The following PCDHA6 variants were observed in gnomAD, a reference collection of about 807,000 sequenced individuals.
PCDHA6 encodes the protein protocadherin alpha 6.
In PCDHA6, 55 loss-of-function variants were observed where a neutral mutation model predicts 60.3. The ratio of observed to expected loss-of-function variants is 0.91; its 90% confidence interval spans 0.73 to 1.14. The LOEUF is 1.14. Among genes scored for constraint, PCDHA6 ranks in the 50% most tolerant of loss-of-function variants. The pLI is 0.00. For synonymous variants in PCDHA6, 652 were observed against 557.9 expected (o/e 1.17, Z -2.38); for missense variants, 1,327 against 1,256.5 (o/e 1.06, Z -0.85).
intron 1 of PCDHA6, among the ~76,000 whole-genome samples, chr5:140,946,597 T>A (rs952488909): frequency 1.5e-5 from 2 of 137,412 alleles, no homozygotes; most frequent in Admixed American, 7.5e-5. Context: ...GATGAATAGA[T>A]AAAGAAAATG....
chr5:140,990,814 T>A (rs1184527701), intron 3 of PCDHA6, among the ~76,000 whole-genome samples: 1 of 152,184 alleles, frequency 6.6e-6, no homozygotes, highest in Non-Finnish European at 1.5e-5. Context: ...GAAGCTCCCT[T>A]CTCTCAGCTA....
At chr5:140,836,646 C>A (rs1554136175) in intron 1 of PCDHA6, 7 of 1,613,258 alleles carry the variant, frequency 4.3e-6, no homozygotes, top group Admixed American at 3.3e-5. Flanking sequence ...CCAGCAGAGG[C>A]GGCAGAGGGT....
chr5:140,945,321 A>G (rs558331825), intron 1 of PCDHA6, among the ~76,000 whole-genome samples: 1 of 152,258 alleles, frequency 6.6e-6, no homozygotes, highest in Non-Finnish European at 1.5e-5. Flanking sequence ...AAATGGAAAT[A>G]TATTTTATGT....
At chr5:140,965,893 C>G (rs1173111476) in intron 1 of PCDHA6, among the ~76,000 whole-genome samples, 1 of 152,226 alleles carries the variant, frequency 6.6e-6, no homozygotes, top group Non-Finnish European at 1.5e-5. Context: ...AGAATTGAGT[C>G]TTGGATCCCA....
At chr5:140,941,214 C>CCTTCCTTTCTTTCTTTCTTT (rs1554214040) in intron 1 of PCDHA6, among the ~76,000 whole-genome samples, 29 of 122,492 alleles carry the variant, frequency 2.4e-4, no homozygotes, top group South Asian at 5.9e-4. Flanking sequence ...TTTCTTTCTT[C>CCTTCCTTTCTTTCTTTCTTT]CTTTCTTTCT....
In PCDHA6 at chr5:140,883,888, T is replaced by G. The variant is rs781919107; in HGVS notation, c.2394+53403T>G. ...AGTTCCAGGTGAGCGCGCGCGACTC[T>G]GGCGTGCCGCCTCTGGGCAGCAACG... On this transcript the variant is annotated intron_variant, in intron 1 of 3. Transcript: ENST00000529310. 33 of 1,612,942 alleles carry G rather than the reference T, an allele frequency of 2.0e-5. No individual in the cohort carries two copies. In the African/African-American group the frequency reaches 2.1e-4, roughly 10 times the overall value.
At chr5:140,979,051 G>T (rs1554240209) in intron 2 of PCDHA6, 44 bp downstream of exon 2, 1 of 1,609,534 alleles carries the variant, frequency 6.2e-7, no homozygotes, top group South Asian at 1.1e-5. Flanking sequence ...ACCTTAACTT[G>T]GTATGGCTCA....
chr5:140,856,176 T>C lies in PCDHA6; in HGVS notation c.2394+25691T>C, dbSNP rs782159422. ...TACGAGGAGGCCAGACACGGCACCT[T>C]CGTGGGCCGCATCGCGCAGGACCTG... On this transcript the variant is annotated intron_variant, in intron 1 of 3. Coordinates refer to ENST00000529310, the MANE Select transcript of PCDHA6 (RefSeq NM_018909.4). 5 of 1,598,130 alleles carry C rather than the reference T, an allele frequency of 3.1e-6. No homozygotes were observed. In the South Asian group the frequency reaches 5.5e-5, roughly 18 times the overall value.
intron 1 of PCDHA6, among the ~76,000 whole-genome samples, chr5:140,958,134 T>C (rs1235856780): frequency 6.6e-6 from 1 of 152,150 alleles, no homozygotes; most frequent in African/African-American, 2.4e-5. Flanking sequence ...TGTATCAGTG[T>C]GTATATTTAT....
At chr5:140,980,494 A>T (rs868915196) in intron 2 of PCDHA6, among the ~76,000 whole-genome samples, 1 of 152,106 alleles carries the variant, frequency 6.6e-6, no homozygotes, top group African/African-American at 2.4e-5. Context: ...GCTGGGCGTG[A>T]TGGCATGTGC....
rs560247030 is a variant in PCDHA6, at chr5:140,910,414, C to T, written c.2395-68535C>T. On this transcript the variant is annotated intron_variant, in intron 1 of 3. Transcript: ENST00000529310. ...GACTGGCCCCTGCCACCTCGAGATC[C>T]AATTATTCCCATTGCATTTAAGTTT... Among the ~76,000 whole-genome samples the T allele has an allele frequency of 2.6e-5, 4 of 152,258 alleles. No individual in the cohort carries two copies. In the East Asian group the frequency reaches 5.8e-4, roughly 22 times the overall value.
chr5:140,973,815 A>G (rs2096603789), intron 1 of PCDHA6, among the ~76,000 whole-genome samples: 1 of 152,224 alleles, frequency 6.6e-6, no homozygotes, highest in Admixed American at 6.5e-5. Flanking sequence ...CAGAATAGCA[A>G]AGTCAGTTCT....
intron 3 of PCDHA6, among the ~76,000 whole-genome samples, chr5:141,001,004 T>C (rs2097982470): frequency 1.3e-5 from 2 of 152,368 alleles, no homozygotes; most frequent in South Asian, 4.1e-4. Flanking sequence ...TTTAAATATG[T>C]ATTTAGATAT....
chr5:140,842,233 T>C (rs2150332327), intron 1 of PCDHA6: 1 of 1,612,914 alleles, frequency 6.2e-7, no homozygotes, highest in Admixed American at 1.7e-5. Context: ...AAATAGTGAT[T>C]CGGGGTAATT....
At position 141,010,044 on chromosome 5, in the gene PCDHA6, G is replaced by C; in HGVS notation, c.*107G>C. Reference sequence around the variant, plus strand: ...TTTCCTATCTACATGAGCCCTCTTAGAGACCTCAGAAATCTGCAGAAAGTT... The same window carrying C: ...TTTCCTATCTACATGAGCCCTCTTACAGACCTCAGAAATCTGCAGAAAGTT... On this transcript the variant is annotated 3_prime_UTR_variant, in exon 4 of 4. Coordinates refer to ENST00000529310, the MANE Select transcript of PCDHA6 (RefSeq NM_018909.4). 1.3e-6 allele frequency: 2 copies of C among 1,594,604 alleles called. No individual in the cohort carries two copies. Among genetic ancestry groups the C allele is most frequent in the Non-Finnish European group, 1.7e-6 (2 of 1,171,226 alleles).
chr5:140,985,590 T>C (rs1049609959), intron 3 of PCDHA6, among the ~76,000 whole-genome samples: 5 of 152,166 alleles, frequency 3.3e-5, no homozygotes, highest in African/African-American at 1.2e-4. Flanking sequence ...TCCTTATACT[T>C]GCTTCAGAGC....
chr5:140,877,634 T>C, intron 1 of PCDHA6: 1 of 1,613,738 alleles, frequency 6.2e-7, no homozygotes, highest in Non-Finnish European at 8.5e-7. Context: ...TACACTGCGC[T>C]GCGTTGCTCA....
intron 1 of PCDHA6, among the ~76,000 whole-genome samples, chr5:140,838,881 C>G (rs2150293311): frequency 2.0e-5 from 3 of 151,836 alleles, no homozygotes; most frequent in Non-Finnish European, 4.4e-5. Flanking sequence ...TGCCACTGAA[C>G]TCCAGCCTAG....
Position 140,828,976 on chromosome 5 carries a change from A to C in PCDHA6, c.885A>C (p.Ile295=). 7 of 1,614,178 alleles carry C rather than the reference A, an allele frequency of 4.3e-6. No individual in the cohort carries two copies. Among genetic ancestry groups the C allele is most frequent in the Non-Finnish European group, 4.2e-6 (5 of 1,180,022 alleles). Residue 295 remains isoleucine, a synonymous_variant, in exon 1 of 4, where the codon ATA becomes ATC. Transcript: ENST00000529310. The part of the protein sequence containing the change: ...VAAMVIDHFS[I]DRNTGEIVIR... ...CCATGGTTATTGACCACTTTAGCAT[A>C]GATCGAAATACGGGAGAAATAGTGA...
Sources: gnomAD v4.1 joint callset for allele counts (sites outside exome capture counted in the v4.1 genomes callset) on GRCh38, gnomAD v4.1.1 for gene constraint, MANE v1.5 for transcripts, NCBI Gene and HGNC (gene_info 2026-07-23, HGNC 2026-07-21) for gene names.